The following ITGB3BP variants were observed in gnomAD, a reference collection of about 807,000 sequenced individuals.
ITGB3BP encodes integrin subunit beta 3 binding protein, also known as centromere protein R.
In ITGB3BP, 27 loss-of-function variants were observed where a neutral mutation model predicts 29.1. That is an observed-to-expected ratio of 0.93 (90% CI 0.68 to 1.28). The LOEUF is 1.28. ITGB3BP is among the 50% of genes most tolerant of loss of function. The probability of loss-of-function intolerance (pLI) is 0.00; values close to 1 mark genes in which losing one functional copy is unlikely to be tolerated. For synonymous variants in ITGB3BP, 61 were observed against 61.4 expected (o/e 0.99, Z 0.03); for missense variants, 192 against 200.2 (o/e 0.96, Z 0.25).
chr1:63,473,937 C>T (rs1570191165), intron 4 of ITGB3BP, among the ~76,000 whole-genome samples: 1 of 11,834 alleles, frequency 8.5e-5, no homozygotes, highest in African/African-American at 1.9e-4. Flanking sequence ...GTCAGCCCCC[C>T]GCCCGGCCAG....
intron 1 of ITGB3BP, among the ~76,000 whole-genome samples, chr1:63,509,191 A>G (rs373191218): frequency 1.3e-5 from 2 of 152,238 alleles, no homozygotes; most frequent in African/African-American, 4.8e-5. Flanking sequence ...CTCTGTGTGC[A>G]AAATCTGTTC....
At chr1:63,469,375 G>A (rs1057106457) in intron 4 of ITGB3BP, among the ~76,000 whole-genome samples, 4 of 150,064 alleles carry the variant, frequency 2.7e-5, no homozygotes, top group African/African-American at 9.8e-5. Context: ...TGCCCAGGCT[G>A]GAGTGCAATG....
At chr1:63,508,458 G>A (rs993528461) in intron 2 of ITGB3BP, 70 bp downstream of exon 2, 4 of 673,550 alleles carry the variant, frequency 5.9e-6, no homozygotes, top group South Asian at 2.0e-5. Context: ...AATATTTAAC[G>A]AGATAAATCA....
intron 2 of ITGB3BP, among the ~76,000 whole-genome samples, chr1:63,492,765 C>G (rs1463745852): frequency 6.6e-6 from 1 of 151,140 alleles, no homozygotes; most frequent in Admixed American, 6.6e-5. Context: ...CAGGATGTAA[C>G]AAAATAAAAA....
At chr1:63,501,488 G>A (rs1318067251) in intron 2 of ITGB3BP, among the ~76,000 whole-genome samples, 4 of 152,128 alleles carry the variant, frequency 2.6e-5, no homozygotes, top group Admixed American at 1.3e-4. Flanking sequence ...ACTGCTAATA[G>A]GTATGGGGTT....
chr1:63,454,750 C>A lies in ITGB3BP; in HGVS notation c.333+140G>T. 2.1e-6 allele frequency: 1 copy of A among 471,926 alleles called. No homozygotes were observed. The highest frequency in any genetic ancestry group is 3.8e-6 in the Non-Finnish European group (1 of 264,300). 29.2% of individuals were successfully genotyped at this position (471,926 alleles called of 1,614,324 possible). On this transcript the variant is annotated intron_variant, in intron 5 of 8. Transcript: ENST00000271002. The surrounding 1 kb of genome is among the most constrained non-coding windows in gnomAD (Gnocchi z 4.1). ...AAATATTATGGTTAAATAGTGTTCT[C>A]CTATTAAAAAAAAAATTCCCATGAA...
At chr1:63,490,268 A>G (rs1486172595) in intron 2 of ITGB3BP, 50 bp from the exon 3 acceptor site, 1 of 1,318,032 alleles carries the variant, frequency 7.6e-7, no homozygotes. Flanking sequence ...TTAGTTATAG[A>G]TCTTTGAAAT....
At chr1:63,478,949 G>A in intron 3 of ITGB3BP, 116 bp from the exon 4 acceptor site, 1 of 405,512 alleles carries the variant, frequency 2.5e-6, no homozygotes, top group Non-Finnish European at 4.4e-6. Context: ...ATGGAAGGGA[G>A]GTGGGCAAAG....
At chr1:63,502,708 A>G (rs1028743219) in intron 2 of ITGB3BP, among the ~76,000 whole-genome samples, 1 of 115,996 alleles carries the variant, frequency 8.6e-6, no homozygotes, top group Non-Finnish European at 1.6e-5. Flanking sequence ...TGTTCCCCTT[A>G]CTGTGTCCAT....
At chr1:63,513,663 AAT>A (rs1293877139) in intron 1 of ITGB3BP, among the ~76,000 whole-genome samples, 1 of 152,118 alleles carries the variant, frequency 6.6e-6, no homozygotes, top group Admixed American at 6.5e-5. Flanking sequence ...CTCTATCTTT[AAT>A]ATGTATATTT....
At chr1:63,523,848 G>A (rs1646524981), upstream of ITGB3BP, among the ~76,000 whole-genome samples, 1 of 152,190 alleles carries the variant, frequency 6.6e-6, no homozygotes. Flanking sequence ...TCACTGTGTA[G>A]GGACGGTGAC....
In ITGB3BP at chr1:63,478,833, T is replaced by C. The variant is rs368145148; in HGVS notation, c.185A>G (p.Glu62Gly). The C allele has an allele frequency of 3.3e-5, 40 of 1,196,428 alleles. No individual in the cohort carries two copies. The highest frequency in any genetic ancestry group is 4.6e-5 in the Non-Finnish European group (39 of 846,728). The allele number at this position is 1,196,428 out of a possible 1,614,324, so 74.1% of individuals were successfully genotyped here. The change falls in exon 4 of 9, where the codon GAA becomes GGA. Residue 62 changes from glutamate to glycine, a missense_variant and splice_region_variant. By Grantham distance (98) the Glu-to-Gly change is moderately conservative (BLOSUM62 -2). Transcript: ENST00000271002. ...EQKHRNGLSN[E>G]KRKKLNHPSL... is the part of the protein sequence containing the mutation. ...GGGGTGATTCAATTTTTTTCTCTTT[T>C]CTATATATGTGTAATAAAGAAAAGG...
chr1:63,508,626 C>T lies in ITGB3BP; in HGVS notation c.6-56G>A, dbSNP rs1416559285. On this transcript the variant is annotated intron_variant, in intron 1 of 8. Transcript: ENST00000271002. Reference sequence around the variant, plus strand: ...ATTTGACACGCTTTATTTAAAGTAGCCCAATAATTAAGGGAAGATATATAA... The same window carrying T: ...ATTTGACACGCTTTATTTAAAGTAGTCCAATAATTAAGGGAAGATATATAA... The T allele has an allele frequency of 7.8e-6, 6 of 765,834 alleles. No homozygotes were observed. The African/African-American group carries it at 9.1e-5, about 12-fold the overall frequency. The allele number at this position is 765,834 out of a possible 1,614,324, so 47.4% of individuals were successfully genotyped here.
intron 4 of ITGB3BP, among the ~76,000 whole-genome samples, chr1:63,465,123 T>C (rs1488118228): frequency 6.6e-6 from 1 of 152,286 alleles, no homozygotes; most frequent in South Asian, 2.1e-4. Flanking sequence ...AATAATATTA[T>C]TCTTAGGAAA....
At position 63,523,210 on chromosome 1, in the gene ITGB3BP, G is replaced by A. The variant is rs892208295; in HGVS notation, c.-77C>T. On this transcript the variant is annotated 5_prime_UTR_variant, in exon 1 of 9. Transcript: ENST00000271002. ...TTCCGAAAACAGAAAATCCGCCAAAGGAAACGCCAAGGCATGAAAAGCGCG... is the reference window on the plus strand; with the variant it reads ...TTCCGAAAACAGAAAATCCGCCAAAAGAAACGCCAAGGCATGAAAAGCGCG... 10 of 1,603,916 alleles carry A rather than the reference G, an allele frequency of 6.2e-6. No homozygotes were observed. The South Asian group carries it at 6.6e-5, about 11-fold the overall frequency.
intron 2 of ITGB3BP, among the ~76,000 whole-genome samples, chr1:63,504,026 G>A (rs1484496898): frequency 6.6e-6 from 1 of 151,882 alleles, no homozygotes; most frequent in South Asian, 2.1e-4. Flanking sequence ...GAACTTTAAA[G>A]TAGTTTTTTC....
intron 1 of ITGB3BP, among the ~76,000 whole-genome samples, chr1:63,518,422 C>A (rs963386579): frequency 8.5e-5 from 13 of 152,164 alleles, no homozygotes; most frequent in African/African-American, 3.1e-4. Flanking sequence ...GATATTACCT[C>A]TTTCAATATC....
intron 7 of ITGB3BP, among the ~76,000 whole-genome samples, chr1:63,450,313 T>G (rs1376998380): frequency 6.6e-6 from 1 of 151,996 alleles, no homozygotes; most frequent in East Asian, 1.9e-4. Flanking sequence ...TGTTTTGGAC[T>G]GAAGCTAAGT....
At chr1:63,464,316 G>A (rs7367676) in intron 4 of ITGB3BP, among the ~76,000 whole-genome samples, 51,477 of 152,048 alleles carry the variant, frequency 0.34, 8,942 homozygotes, top group East Asian at 0.48. Flanking sequence ...TGAATGCTTT[G>A]CAGGTTTGTT....
Sources: gnomAD v4.1 joint callset for allele counts (sites outside exome capture counted in the v4.1 genomes callset) on GRCh38, gnomAD v4.1.1 for gene constraint, Gnocchi (gnomAD v3.1) non-coding constraint, MANE v1.5 for transcripts, NCBI Gene and HGNC (gene_info 2026-07-23, HGNC 2026-07-21) for gene names.